The following BCL2 variants were observed in gnomAD, a reference collection of about 807,000 sequenced individuals.
BCL2 encodes BCL2 apoptosis regulator, also known as apoptosis regulator Bcl-2.
A neutral mutation model predicts 14.2 loss-of-function variants in BCL2; 1 was observed. That is an observed-to-expected ratio of 0.07 (90% CI 0.02 to 0.33). The LOEUF is 0.33. Among genes scored for constraint, BCL2 ranks in the 10% least tolerant of loss-of-function variants. The probability of loss-of-function intolerance (pLI) is 0.99; values close to 1 mark genes in which losing one functional copy is unlikely to be tolerated. For synonymous variants in BCL2, 151 were observed against 137.2 expected, an observed-to-expected ratio of 1.10 and a Z score of -0.70; for missense variants, 247 against 305.9, an observed-to-expected ratio of 0.81 and a Z score of 1.44.
At chr18:63,293,084 A>G (rs549756470) in intron 2 of BCL2, among the ~76,000 whole-genome samples, 11 of 151,978 alleles carry the variant, frequency 7.2e-5, no homozygotes, top group African/African-American at 2.7e-4. Flanking sequence ...AGACGACCTC[A>G]CCCCTGGCTG....
intron 2 of BCL2, among the ~76,000 whole-genome samples, chr18:63,137,437 GA>G (rs1403381491): frequency 2.0e-5 from 3 of 152,234 alleles, no homozygotes; most frequent in Non-Finnish European, 4.4e-5. Flanking sequence ...TTGTGGAGCT[GA>G]AACAAACTGA....
chr18:63,172,801 A>G (rs1298655788), intron 2 of BCL2, among the ~76,000 whole-genome samples: 1 of 151,766 alleles, frequency 6.6e-6, no homozygotes, highest in African/African-American at 2.4e-5. Flanking sequence ...AACAAAAAAC[A>G]AAAACAGTGA....
intron 2 of BCL2, among the ~76,000 whole-genome samples, chr18:63,150,552 A>G (rs1203027854): frequency 6.6e-6 from 1 of 151,826 alleles, no homozygotes; most frequent in Non-Finnish European, 1.5e-5. Flanking sequence ...GGCTCCCTCC[A>G]GTTTTCTCTG....
intron 2 of BCL2, among the ~76,000 whole-genome samples, chr18:63,197,611 G>A (rs1258316092): frequency 6.6e-6 from 1 of 151,638 alleles, no homozygotes; most frequent in Non-Finnish European, 1.5e-5. Flanking sequence ...TCAGGGGAAC[G>A]GTCACAGCAG....
intron 2 of BCL2, among the ~76,000 whole-genome samples, chr18:63,228,712 ATT>A (rs35558540): frequency 0.25 from 37,104 of 147,612 alleles, 4,647 homozygotes; most frequent in East Asian, 0.33. Context: ...GCCAAAAGCA[ATT>A]TTTTTTTTTT....
At chr18:63,170,121 T>C (rs998762456) in intron 2 of BCL2, among the ~76,000 whole-genome samples, 23 of 152,196 alleles carry the variant, frequency 1.5e-4, no homozygotes, top group African/African-American at 5.5e-4. Context: ...TAAATGCCTC[T>C]GTGCCTCAGT....
Position 63,124,380 on chromosome 18 carries a change from C to G in BCL2, c.*4245G>C, listed in dbSNP as rs1301040533. ...CCAGCTTGAAATTTATACCATTGCA[C>G]TGCCAAACGGAGCTGCACTTTGAGC... is the stretch of plus-strand genomic sequence containing the variant. On this transcript the variant is annotated 3_prime_UTR_variant, in exon 3 of 3. Coordinates refer to ENST00000333681, the MANE Select transcript of BCL2 (RefSeq NM_000633.3). 4.3e-6 allele frequency: 1 copy of G among 231,216 alleles called. No individual in the cohort carries two copies. The highest frequency in any genetic ancestry group is 8.6e-6 in the Non-Finnish European group (1 of 116,776). The allele number at this position is 231,216 out of a possible 1,614,324, so 14.3% of individuals were successfully genotyped here. A position where few individuals can be genotyped will look rare whatever the true frequency, so the allele number is the denominator to read the frequency against.
intron 2 of BCL2, among the ~76,000 whole-genome samples, chr18:63,214,191 A>T (rs1910134102): frequency 6.6e-6 from 1 of 152,202 alleles, no homozygotes. Flanking sequence ...AGCAAGAAGG[A>T]CAGGAAGTGC....
chr18:63,301,051 T>C (rs1912948261), intron 2 of BCL2, among the ~76,000 whole-genome samples: 2 of 152,236 alleles, frequency 1.3e-5, no homozygotes, highest in South Asian at 4.1e-4. Flanking sequence ...AATGAAATTC[T>C]GATGCATGCC....
At chr18:63,183,511 C>A (rs1915524182) in intron 2 of BCL2, among the ~76,000 whole-genome samples, 1 of 152,188 alleles carries the variant, frequency 6.6e-6, no homozygotes, top group African/African-American at 2.4e-5. Context: ...GCAGATGGGG[C>A]CTCCGCGCTT....
At chr18:63,246,459 C>T (rs779883030) in intron 2 of BCL2, among the ~76,000 whole-genome samples, 6 of 152,102 alleles carry the variant, frequency 3.9e-5, no homozygotes, top group Admixed American at 1.3e-4. Context: ...AAAGACATGG[C>T]GGCAAACAAG....
intron 2 of BCL2, among the ~76,000 whole-genome samples, chr18:63,243,602 C>T (rs1445741805): frequency 6.6e-6 from 1 of 152,114 alleles, no homozygotes; most frequent in Non-Finnish European, 1.5e-5. Context: ...GGGGTAATGT[C>T]CCAGGGTGAG....
At chr18:63,158,578 G>A (rs752621462) in intron 2 of BCL2, among the ~76,000 whole-genome samples, 1 of 152,086 alleles carries the variant, frequency 6.6e-6, no homozygotes, top group Non-Finnish European at 1.5e-5. Context: ...TTTAGGCAGT[G>A]GACACAAGCC....
chr18:63,215,261 A>C (rs1370729823), intron 2 of BCL2, among the ~76,000 whole-genome samples: 1 of 152,226 alleles, frequency 6.6e-6, no homozygotes, highest in East Asian at 1.9e-4. Context: ...TTTAGAAAGC[A>C]ATCTGGAAAT....
chr18:63,164,838 G>A (rs544752485), intron 2 of BCL2, among the ~76,000 whole-genome samples: 1 of 152,310 alleles, frequency 6.6e-6, no homozygotes, highest in East Asian at 1.9e-4. Flanking sequence ...TGGTAGCCCT[G>A]TAGATAGATT....
chr18:63,263,396 T>C (rs529433020), intron 2 of BCL2, among the ~76,000 whole-genome samples: 1 of 152,332 alleles, frequency 6.6e-6, no homozygotes, highest in South Asian at 2.1e-4. Flanking sequence ...AAAACCTGTT[T>C]TGTTACATGC....
chr18:63,297,758 A>G (rs1242553792), intron 2 of BCL2, among the ~76,000 whole-genome samples: 8 of 152,216 alleles, frequency 5.3e-5, no homozygotes, highest in African/African-American at 7.2e-5. Context: ...AGACTGCCAA[A>G]GGGAAAGCCG....
At chr18:63,136,011 A>T (rs12457841) in intron 2 of BCL2, among the ~76,000 whole-genome samples, 64,729 of 151,674 alleles carry the variant, frequency 0.43, 14,223 homozygotes, top group Admixed American at 0.48. Flanking sequence ...CACCAAGACC[A>T]CTGAGGGTCT....
intron 2 of BCL2, among the ~76,000 whole-genome samples, chr18:63,202,338 T>G (rs1599241889): frequency 1.3e-5 from 2 of 152,252 alleles, no homozygotes; most frequent in South Asian, 4.2e-4. Context: ...TACATTCACA[T>G]AACATTTGTT....
Sources: gnomAD v4.1 joint callset for allele counts (sites outside exome capture counted in the v4.1 genomes callset) on GRCh38, gnomAD v4.1.1 for gene constraint, MANE v1.5 for transcripts, NCBI Gene and HGNC (gene_info 2026-07-23, HGNC 2026-07-21) for gene names.